Variants in ZNF385D observed in about 807,000 individuals in gnomAD.
ZNF385D encodes zinc finger protein 385D, also known as zinc finger protein 659.
A neutral mutation model predicts 35.8 loss-of-function variants in ZNF385D; 15 were observed. The observed-to-expected ratio is 0.42, with a 90% CI of 0.28 to 0.64. The LOEUF (loss-of-function observed/expected upper bound fraction) is 0.64. Among genes scored for constraint, ZNF385D ranks in the 30% least tolerant of loss-of-function variants. ZNF385D has a pLI of 0.23. For synonymous variants in ZNF385D, 212 were observed against 186.8 expected (o/e 1.13, Z -1.10); for missense variants, 474 against 494.6 (o/e 0.96, Z 0.39).
intron 3 of ZNF385D, among the ~76,000 whole-genome samples, chr3:21,554,176 T>C (rs532011666): frequency 6.6e-6 from 1 of 152,278 alleles, no homozygotes; most frequent in African/African-American, 2.4e-5. Context: ...TAAAAATATA[T>C]TTCTTAAATA....
chr3:21,813,587 G>A (rs1043389223), intron 3 of ZNF385D, among the ~76,000 whole-genome samples: 3 of 152,132 alleles, frequency 2.0e-5, no homozygotes, highest in Non-Finnish European at 4.4e-5. Context: ...TGATCAAGTG[G>A]AAGAAAGGGT....
At chr3:22,364,750 A>C (rs190186324) in intron 2 of ZNF385D, among the ~76,000 whole-genome samples, 4 of 152,226 alleles carry the variant, frequency 2.6e-5, no homozygotes, top group Non-Finnish European at 5.9e-5. Context: ...ATATTCCAAA[A>C]GGATTGAAAG....
intron 2 of ZNF385D, among the ~76,000 whole-genome samples, chr3:22,192,011 T>A (rs542898497): frequency 6.6e-6 from 1 of 152,266 alleles, no homozygotes; most frequent in Admixed American, 6.5e-5. Context: ...GGATATGATT[T>A]TTTTCGGCCC....
intron 3 of ZNF385D, among the ~76,000 whole-genome samples, chr3:21,852,477 T>C (rs999551295): frequency 2.0e-5 from 3 of 151,932 alleles, no homozygotes; most frequent in Non-Finnish European, 2.9e-5. Flanking sequence ...TGATTTTACA[T>C]TACTTTTACT....
chr3:22,322,199 C>T (rs1332167355), intron 2 of ZNF385D, among the ~76,000 whole-genome samples: 1 of 152,032 alleles, frequency 6.6e-6, no homozygotes, highest in Non-Finnish European at 1.5e-5. Context: ...CATTATTTTA[C>T]TCTCTTCTTC....
intron 2 of ZNF385D, among the ~76,000 whole-genome samples, chr3:22,201,999 A>G (rs974266980): frequency 1.3e-5 from 2 of 152,030 alleles, no homozygotes; most frequent in Non-Finnish European, 2.9e-5. Context: ...GTCCAGAAAC[A>G]TTTAGTTAAG....
At chr3:21,681,335 TG>T (rs1238568049) in intron 1 of ZNF385D, among the ~76,000 whole-genome samples, 1 of 131,948 alleles carries the variant, frequency 7.6e-6, no homozygotes, top group Non-Finnish European at 1.7e-5. Context: ...CCTACATTTT[TG>T]GCACATGGGA....
intron 3 of ZNF385D, among the ~76,000 whole-genome samples, chr3:22,085,518 T>G (rs1026357785): frequency 1.3e-5 from 2 of 152,082 alleles, no homozygotes; most frequent in Non-Finnish European, 2.9e-5. Context: ...CTCCCAAGAC[T>G]AAACCAGGAA....
intron 1 of ZNF385D, among the ~76,000 whole-genome samples, chr3:21,677,558 T>C (rs374582490): frequency 4.6e-5 from 7 of 152,068 alleles, no homozygotes; most frequent in African/African-American, 1.4e-4. Context: ...TTTGGGAGTC[T>C]AGAAAAGCAC....
At chr3:21,980,626 T>C (rs898067441) in intron 3 of ZNF385D, among the ~76,000 whole-genome samples, 40 of 152,266 alleles carry the variant, frequency 2.6e-4, no homozygotes, top group Non-Finnish European at 5.1e-4. Context: ...CATAAACACA[T>C]GTCCCAGGGG....
chr3:22,113,856 T>C (rs1041229241), intron 3 of ZNF385D, among the ~76,000 whole-genome samples: 2 of 152,246 alleles, frequency 1.3e-5, no homozygotes, highest in South Asian at 4.1e-4. Context: ...AGATCATTCC[T>C]ATTACCCAGA....
Position 21,413,739 on chromosome 3 carries a change from T to C in ZNF385D, c.*7475A>G, listed in dbSNP as rs1054893807. ...CCATAGTCTATTTTTAATTTCAAAA[T>C]AGTGCTCATGTTTGTGAACATTAAT... On this transcript the variant is annotated 3_prime_UTR_variant, in exon 8 of 8. Coordinates refer to ENST00000281523, the MANE Select transcript of ZNF385D (RefSeq NM_024697.3). 2 of 152,128 alleles carry C rather than the reference T, an allele frequency of 1.3e-5. No homozygotes were observed. The highest frequency in any genetic ancestry group is 1.3e-4 in the Admixed American group (2 of 15,266). 9.4% of individuals were successfully genotyped at this position (152,128 alleles called of 1,614,324 possible).
intron 2 of ZNF385D, among the ~76,000 whole-genome samples, chr3:21,590,512 A>G (rs977882501): frequency 6.6e-6 from 1 of 152,124 alleles, no homozygotes; most frequent in African/African-American, 2.4e-5. Context: ...AATTTATAGA[A>G]TAATATAACT....
intron 1 of ZNF385D, among the ~76,000 whole-genome samples, chr3:21,743,363 T>C: frequency 6.6e-6 from 1 of 152,196 alleles, no homozygotes; most frequent in East Asian, 1.9e-4. Context: ...ATATAGACAC[T>C]AGAGGAACTG....
At chr3:22,260,398 G>A (rs1448587646) in intron 2 of ZNF385D, among the ~76,000 whole-genome samples, 1 of 151,892 alleles carries the variant, frequency 6.6e-6, no homozygotes, top group African/African-American at 2.4e-5. Flanking sequence ...CCTAATGCAA[G>A]CAGGGCTTAA....
intron 3 of ZNF385D, among the ~76,000 whole-genome samples, chr3:22,158,023 C>G (rs1413653984): frequency 6.6e-6 from 1 of 152,028 alleles, no homozygotes; most frequent in African/African-American, 2.4e-5. Context: ...CAAGCGATTC[C>G]AGATGTAAGA....
At chr3:22,329,063 C>G (rs554544950) in intron 2 of ZNF385D, among the ~76,000 whole-genome samples, 1,608 of 120,082 alleles carry the variant, frequency 0.013, 15 homozygotes, top group Admixed American at 0.019. Flanking sequence ...GGCGACAGAG[C>G]GAGACTCCGT....
chr3:21,619,421 T>C lies in ZNF385D; in HGVS notation c.165+45465A>G, dbSNP rs1205505791. ...TTGTCATCGTGTGTGTGCGTGTGTGTGTGTGTGTGTGTGTGTGTCTATGCA... is the reference window on the plus strand; with the variant it reads ...TTGTCATCGTGTGTGTGCGTGTGTGCGTGTGTGTGTGTGTGTGTCTATGCA... On this transcript the variant is annotated intron_variant, in intron 2 of 7. Coordinates refer to ENST00000281523, the MANE Select transcript of ZNF385D (RefSeq NM_024697.3). Among the ~76,000 whole-genome samples the C allele has an allele frequency of 2.0e-5, 3 of 151,970 alleles. No homozygotes were observed. In the East Asian group the frequency reaches 5.8e-4, roughly 29 times the overall value.
chr3:21,612,420 C>T (rs1461316389), intron 2 of ZNF385D, among the ~76,000 whole-genome samples: 1 of 151,958 alleles, frequency 6.6e-6, no homozygotes, highest in East Asian at 1.9e-4. Flanking sequence ...ATTAACTATT[C>T]TCAGATAAAG....
Sources: gnomAD v4.1 joint callset for allele counts (sites outside exome capture counted in the v4.1 genomes callset) on GRCh38, gnomAD v4.1.1 for gene constraint, MANE v1.5 for transcripts, NCBI Gene and HGNC (gene_info 2026-07-23, HGNC 2026-07-21) for gene names.